ASAP1: variants seen among roughly 807,000 people sequenced by gnomAD.
The protein encoded by ASAP1 is ArfGAP with SH3 domain, ankyrin repeat and PH domain 1.
In ASAP1, 43 loss-of-function variants were observed where a neutral mutation model predicts 145.2. The ratio of observed to expected loss-of-function variants is 0.30; its 90% CI spans 0.23 to 0.38. The LOEUF (loss-of-function observed/expected upper bound fraction) is 0.38, where lower values mean the gene tolerates loss of function less well. Ranked by LOEUF, ASAP1 falls within the 10% of genes least tolerant of loss-of-function variation. The probability of loss-of-function intolerance (pLI) is 1.00; values close to 1 mark genes in which losing one functional copy is unlikely to be tolerated. For missense variants in ASAP1, 1,018 were observed against 1,355.3 expected (o/e 0.75, Z 3.91); for synonymous variants, 546 against 515.5 (o/e 1.06, Z -0.80).
chr8:130,168,139 T>C (rs950750208), intron 10 of ASAP1, among the ~76,000 whole-genome samples: 16 of 152,344 alleles, frequency 1.1e-4, no homozygotes, highest in African/African-American at 3.8e-4. Context: ...TACATAGCTA[T>C]GCATTTTTAA....
intron 3 of ASAP1, among the ~76,000 whole-genome samples, chr8:130,237,500 TA>T (rs532133070): frequency 0.036 from 5,323 of 148,634 alleles, 126 homozygotes; most frequent in Middle Eastern, 0.066. Flanking sequence ...CTTTTAGTGT[TA>T]AAAAAAAAAA....
chr8:130,249,584 C>A (rs1388636191), intron 3 of ASAP1, among the ~76,000 whole-genome samples: 1 of 152,160 alleles, frequency 6.6e-6, no homozygotes, highest in Non-Finnish European at 1.5e-5. Context: ...TGCCCCCCTT[C>A]CCCAATTAAG....
At chr8:130,177,130 G>C (rs1174732995) in intron 9 of ASAP1, among the ~76,000 whole-genome samples, 1 of 152,134 alleles carries the variant, frequency 6.6e-6, no homozygotes, top group Non-Finnish European at 1.5e-5. Flanking sequence ...CCCAGAACTG[G>C]GCACAGTAGC....
intron 4 of ASAP1, among the ~76,000 whole-genome samples, chr8:130,218,129 CAT>C (rs1490850327): frequency 6.6e-6 from 1 of 152,042 alleles, no homozygotes; most frequent in African/African-American, 2.4e-5. Context: ...TCATCTCCCT[CAT>C]GTGCTGGAGC....
intron 3 of ASAP1, among the ~76,000 whole-genome samples, chr8:130,319,786 C>T (rs142097961): frequency 3.5e-4 from 53 of 152,316 alleles, no homozygotes; most frequent in African/African-American, 1.3e-3. Context: ...AAGACAGGTA[C>T]ACCCACACAA....
chr8:130,406,571 A>T (rs10107054), intron 1 of ASAP1, among the ~76,000 whole-genome samples: 49,172 of 150,538 alleles, frequency 0.33, 8,698 homozygotes, highest in African/African-American at 0.46. Flanking sequence ...AACCTCCGTC[A>T]CCCAGGTTCA....
chr8:130,150,188 A>T (rs1172571082), intron 13 of ASAP1, among the ~76,000 whole-genome samples: 1 of 152,192 alleles, frequency 6.6e-6, no homozygotes, highest in Non-Finnish European at 1.5e-5. Context: ...CTCACATCAG[A>T]CAGATGCCAC....
chr8:130,162,829 AAAAC>A (rs2097672281), intron 11 of ASAP1: 1 of 152,202 alleles, frequency 6.6e-6, no homozygotes, highest in East Asian at 1.9e-4. Context: ...AAAAAAAAAA[AAAAC>A]AAACAAAATC....
At chr8:130,300,187 G>GAGAGAGAGAGAGA (rs1491233372) in intron 3 of ASAP1, among the ~76,000 whole-genome samples, 12 of 146,342 alleles carry the variant, frequency 8.2e-5, no homozygotes, top group Admixed American at 6.2e-4. Context: ...GAGAGAGAGA[G>GAGAGAGAGAGAGA]CGAGCGAGCG....
chr8:130,400,332 C>G (rs1828729125), intron 2 of ASAP1, among the ~76,000 whole-genome samples: 1 of 152,148 alleles, frequency 6.6e-6, no homozygotes, highest in African/African-American at 2.4e-5. Context: ...TTCTTCCTGT[C>G]CAGTCTAATT....
At position 130,058,047 on chromosome 8, in the gene ASAP1, G is replaced by A; in HGVS notation, c.3222C>T (p.Thr1074=). 6 of 1,614,130 alleles carry A rather than the reference G, an allele frequency of 3.7e-6. No homozygotes were observed. Among genetic ancestry groups the A allele is most frequent in the Non-Finnish European group, 5.1e-6 (6 of 1,179,986 alleles). ...CGTTGTCTGCCTGGCAGTCATAAAT[G>A]GTCTTCACTCGCCTCACTTTATTTT... is the stretch of plus-strand genomic sequence containing the variant. The part of the protein sequence containing the change: ...TGKNKVRRVK[T]IYDCQADNDD... Residue 1074 remains threonine (T), a synonymous_variant, in exon 29 of 30, where the codon ACC becomes ACT. Coordinates refer to ENST00000518721, the MANE Select transcript of ASAP1 (RefSeq NM_018482.4).
chr8:130,315,256 A>G (rs949893227), intron 3 of ASAP1, among the ~76,000 whole-genome samples: 6 of 152,186 alleles, frequency 3.9e-5, no homozygotes, highest in Admixed American at 1.3e-4. Flanking sequence ...AAGAAGAAAC[A>G]AAACCAAAAA....
intron 1 of ASAP1, among the ~76,000 whole-genome samples, chr8:130,412,417 G>A (rs1829305849): frequency 6.6e-6 from 1 of 151,824 alleles, no homozygotes; most frequent in South Asian, 2.1e-4. Context: ...TCTTGCTCCT[G>A]CTTGGGCCAT....
intron 13 of ASAP1, among the ~76,000 whole-genome samples, chr8:130,139,312 T>C (rs2097603753): frequency 6.6e-6 from 1 of 152,094 alleles, no homozygotes; most frequent in Admixed American, 6.5e-5. Flanking sequence ...AGAAATACAC[T>C]CCAATTGCAG....
At chr8:130,055,751 G>A (rs1454587523) in intron 29 of ASAP1, among the ~76,000 whole-genome samples, 1 of 152,168 alleles carries the variant, frequency 6.6e-6, no homozygotes, top group East Asian at 1.9e-4. Context: ...GCCTTCAATA[G>A]AAAAAACAAA....
chr8:130,060,455 G>T (rs2097416566), intron 28 of ASAP1, 124 bp downstream of exon 28: 1 of 1,310,890 alleles, frequency 7.6e-7, no homozygotes, highest in East Asian at 2.4e-5. Context: ...GCTTGAACCA[G>T]AGCACATAAG....
intron 2 of ASAP1, among the ~76,000 whole-genome samples, chr8:130,368,178 G>C (rs11774346): frequency 6.6e-6 from 1 of 152,104 alleles, no homozygotes; most frequent in East Asian, 1.9e-4. Context: ...TGGCCTTAGA[G>C]GTTGAGAGGC....
At chr8:130,117,776 G>A (rs1592841445) in intron 20 of ASAP1, among the ~76,000 whole-genome samples, 1 of 152,130 alleles carries the variant, frequency 6.6e-6, no homozygotes, top group Non-Finnish European at 1.5e-5. Flanking sequence ...CTCTCCTAAC[G>A]GTTAGCAAAT....
intron 1 of ASAP1, among the ~76,000 whole-genome samples, chr8:130,431,198 T>G (rs753175631): frequency 1.3e-5 from 2 of 152,126 alleles, no homozygotes; most frequent in Non-Finnish European, 2.9e-5. Context: ...CCCAGACTCC[T>G]GTAAGAGCAT....
Sources: allele counts gnomAD v4.1 joint callset (sites outside exome capture counted in the v4.1 genomes callset), GRCh38; gene constraint gnomAD v4.1.1; transcripts MANE v1.5; gene names NCBI Gene and HGNC (gene_info 2026-07-23, HGNC 2026-07-21).